The following CHLSN variants were observed in gnomAD, a reference collection of about 807,000 sequenced individuals.
CHLSN encodes cholesin.
At chr7:1,104,034 G>A in the CHLSN span, among the ~76,000 whole-genome samples, 5 of 152,184 alleles carry the variant, frequency 3.3e-5, no homozygotes, top group African/African-American at 1.2e-4. Context: ...CACCAGCCCC[G>A]TGCTAGCACC....
At chr7:1,033,386 C>T in the CHLSN span, among the ~76,000 whole-genome samples, 6 of 152,040 alleles carry the variant, frequency 3.9e-5, no homozygotes, top group Non-Finnish European at 8.8e-5. Flanking sequence ...GGAGAAACCC[C>T]GTCTCAACTA....
the CHLSN span, among the ~76,000 whole-genome samples, chr7:1,002,541 C>T: frequency 0.15 from 4,771 of 32,642 alleles, 897 homozygotes; most frequent in Middle Eastern, 0.34. Context: ...GTGAGTGGAG[C>T]CCTGTGGGTG....
chr7:1,108,767 C>T, the CHLSN span, among the ~76,000 whole-genome samples: 4 of 152,332 alleles, frequency 2.6e-5, no homozygotes, highest in East Asian at 3.9e-4. Flanking sequence ...CGTGTGCACC[C>T]GCTTTGATGC....
At chr7:979,969 C>T in the CHLSN span, among the ~76,000 whole-genome samples, 21 of 152,204 alleles carry the variant, frequency 1.4e-4, no homozygotes, top group Admixed American at 4.6e-4. Flanking sequence ...AAAAGCGTCC[C>T]GTGAAACTCC....
chr7:980,168 T>G, the CHLSN span, among the ~76,000 whole-genome samples: 1 of 152,228 alleles, frequency 6.6e-6, no homozygotes, highest in Non-Finnish European at 1.5e-5. Context: ...GGGCCTGAGT[T>G]TGGAACCAGG....
chr7:1,002,173 A>G, the CHLSN span, among the ~76,000 whole-genome samples: 291 of 22,930 alleles, frequency 0.013, no homozygotes, highest in Middle Eastern at 0.029. Flanking sequence ...GGAGTCCTGC[A>G]GGTGGGGAGT....
At chr7:1,092,814 C>T in the CHLSN span, 1 of 1,613,394 alleles carries the variant, frequency 6.2e-7, no homozygotes, top group Non-Finnish European at 8.5e-7. Context: ...TCATTCCAGA[C>T]AGCACCGAGC....
At chr7:1,060,207 A>G in the CHLSN span, among the ~76,000 whole-genome samples, 17 of 152,214 alleles carry the variant, frequency 1.1e-4, no homozygotes, top group Non-Finnish European at 1.9e-4. Context: ...CCGATTTTCT[A>G]GGATTAAAGT....
At chr7:1,096,331 C>T in the CHLSN span, among the ~76,000 whole-genome samples, 1 of 152,180 alleles carries the variant, frequency 6.6e-6, no homozygotes, top group African/African-American at 2.4e-5. The surrounding 1 kb of genome is among the most constrained non-coding windows in gnomAD (Gnocchi z 4.6). Context: ...GCGACAGGCA[C>T]CCAGCAGCCA....
chr7:1,080,041 C>G, the CHLSN span, among the ~76,000 whole-genome samples: 13 of 152,320 alleles, frequency 8.5e-5, no homozygotes, highest in African/African-American at 3.1e-4. Context: ...CTGTGAAGGG[C>G]CAACCCCTCC....
the CHLSN span, chr7:1,056,043 G>C: frequency 6.5e-6 from 1 of 153,334 alleles, no homozygotes; most frequent in Admixed American, 6.5e-5. Context: ...AGCAGGAGGG[G>C]AGAAGCCCGC....
chr7:1,028,748 C>T, the CHLSN span: 1 of 802,410 alleles, frequency 1.2e-6, no homozygotes, highest in Non-Finnish European at 1.5e-6. Context: ...ACCCATCTCC[C>T]CCAGTCTGTC....
At chr7:1,131,231 G>A in the CHLSN span, among the ~76,000 whole-genome samples, 1 of 149,876 alleles carries the variant, frequency 6.7e-6, no homozygotes, top group Non-Finnish European at 1.5e-5. Flanking sequence ...AAGCAGGATA[G>A]GTTACAGAAG....
the CHLSN span, among the ~76,000 whole-genome samples, chr7:987,900 CCT>C: frequency 2.0e-5 from 3 of 147,630 alleles, no homozygotes; most frequent in African/African-American, 7.8e-5. Flanking sequence ...TGAGGGGTCC[CCT>C]CTGTGTGTCC....
chr7:1,110,362 C>G, the CHLSN span, among the ~76,000 whole-genome samples: 3 of 152,210 alleles, frequency 2.0e-5, no homozygotes, highest in Middle Eastern at 3.2e-3. Context: ...TGGTGCGGCT[C>G]CGAGAGGAAA....
the CHLSN span, chr7:1,027,154 CAT>C: frequency 1.3e-5 from 2 of 152,260 alleles, no homozygotes; most frequent in Admixed American, 1.3e-4. Flanking sequence ...AGTTGTTACA[CAT>C]AGTTTAAAAC....
chr7:1,003,772 G>C, the CHLSN span, among the ~76,000 whole-genome samples: 1 of 105,634 alleles, frequency 9.5e-6, no homozygotes, highest in Admixed American at 8.3e-5. Context: ...CTGTGGGTGG[G>C]GAGTCCTTGG....
At chr7:1,039,254 C>T in the CHLSN span, among the ~76,000 whole-genome samples, 4 of 43,492 alleles carry the variant, frequency 9.2e-5, no homozygotes, top group African/African-American at 4.6e-4. Flanking sequence ...TCAGCCCCCC[C>T]GCCCGGCCAG....
the CHLSN span, chr7:1,077,861 G>A: frequency 6.6e-6 from 1 of 152,254 alleles, no homozygotes; most frequent in African/African-American, 2.4e-5. Flanking sequence ...CTTGGGCAGA[G>A]GGAAATGCTT....
Sources: allele counts gnomAD v4.1 joint callset (sites outside exome capture counted in the v4.1 genomes callset), GRCh38; gene constraint gnomAD v4.1.1; non-coding constraint Gnocchi (gnomAD v3.1); transcripts MANE v1.5; gene names NCBI Gene and HGNC (gene_info 2026-07-23, HGNC 2026-07-21).